PCDH11X: variants seen among roughly 807,000 people sequenced by gnomAD.
The protein encoded by PCDH11X is protocadherin-11 X-linked.
PCDH11X carries 18 observed loss-of-function variants against 53.3 expected under a neutral mutation model. The ratio of observed to expected loss-of-function variants is 0.34; its 90% confidence interval spans 0.23 to 0.50. PCDH11X has a LOEUF of 0.50. PCDH11X is among the 20% of genes least tolerant of loss of function. The pLI, the probability that PCDH11X is intolerant of heterozygous loss-of-function variation, is 0.98. For synonymous variants in PCDH11X, 279 were observed against 393.3 expected (o/e 0.71, Z 3.44); for missense variants, 570 against 1,032.4 (o/e 0.55, Z 6.14).
At position 92,618,409 on chromosome X, in the gene PCDH11X, A is replaced by G. The variant is rs772859950; in HGVS notation, c.3513A>G (p.Leu1171=). 2.8e-5 allele frequency: 34 copies of G among 1,208,852 alleles called. No individual in the cohort carries two copies. The highest frequency in any genetic ancestry group is 4.4e-5 in the Admixed American group (2 of 45,692). The change falls in exon 11 of 11, where the codon CTA becomes CTG. Residue 1171 remains leucine, a synonymous_variant. Coordinates refer to ENST00000682573, the MANE Select transcript of PCDH11X (RefSeq NM_032968.5). Reference sequence around the variant, plus strand: ...CTTCGCAAGCACAGGCCTCTGCTCTATGCCACAGCCCACCACTGTCACAGG... The same window carrying G: ...CTTCGCAAGCACAGGCCTCTGCTCTGTGCCACAGCCCACCACTGTCACAGG... ...SSSSQAQASA[L]CHSPPLSQAS...
intron 6 of PCDH11X, among the ~76,000 whole-genome samples, chrX:92,172,851 C>T (rs2065845391): frequency 8.9e-6 from 1 of 111,766 alleles, no homozygotes; most frequent in Admixed American, 9.5e-5. Context: ...GTATCACAGT[C>T]ACTGGACACT....
chrX:92,095,126 C>A (rs2064114467), intron 6 of PCDH11X, among the ~76,000 whole-genome samples: 1 of 110,865 alleles, frequency 9.0e-6, no homozygotes, highest in Admixed American at 9.7e-5. Flanking sequence ...CAATCCCCAG[C>A]TGTGGTGAAA....
At chrX:91,985,352 A>C (rs1359214673) in intron 6 of PCDH11X, among the ~76,000 whole-genome samples, 1 of 110,983 alleles carries the variant, frequency 9.0e-6, no homozygotes, top group African/African-American at 3.3e-5. Flanking sequence ...TAAAAATACA[A>C]AAATTAGCTG....
chrX:91,907,977 G>A (rs1320232434), intron 6 of PCDH11X, among the ~76,000 whole-genome samples: 3 of 111,386 alleles, frequency 2.7e-5, no homozygotes, highest in African/African-American at 9.8e-5. Flanking sequence ...TCTTTTTTAT[G>A]CCTGCATAGT....
intron 6 of PCDH11X, among the ~76,000 whole-genome samples, chrX:91,982,056 A>G (rs1241184085): frequency 9.0e-6 from 1 of 111,103 alleles, no homozygotes; most frequent in Non-Finnish European, 1.9e-5. Flanking sequence ...TGCAAGGGCT[A>G]AAAAACGCAA....
chrX:92,348,517 T>G (rs5984176), intron 8 of PCDH11X, among the ~76,000 whole-genome samples: 31 of 29,863 alleles, frequency 1.0e-3, no homozygotes, highest in Middle Eastern at 0.019. Context: ...TTATCATTAT[T>G]ATTATTATTA....
chrX:92,536,651 G>A (rs777093639), intron 10 of PCDH11X, among the ~76,000 whole-genome samples: 1,582 of 74,184 alleles, frequency 0.021, 48 homozygotes, highest in African/African-American at 0.066. Context: ...TTGGATAAAA[G>A]CCTTTTTTTT....
At chrX:92,126,523 C>T (rs1451523211) in intron 6 of PCDH11X, among the ~76,000 whole-genome samples, 1 of 110,160 alleles carries the variant, frequency 9.1e-6, no homozygotes, top group African/African-American at 3.3e-5. Context: ...GCAGGTGAAT[C>T]GCTTTAACCT....
chrX:92,484,312 C>CAT lies in PCDH11X; in HGVS notation c.3367+16001_3367+16002dup, dbSNP rs763919553. On this transcript the variant is annotated intron_variant, in intron 10 of 10. Transcript: ENST00000682573. ...ATATATATGTGTGTGTATATATATA[C>CAT]ATATATATATATGCTAGATCGAATG... 1.3e-3 allele frequency among the ~76,000 whole-genome samples: 125 copies of CAT among 98,542 alleles called. 1 individual carries two copies. Among genetic ancestry groups the CAT allele is most frequent in the African/African-American group, 3.4e-3 (91 of 27,156 alleles). The allele number at this position is 98,542 out of a possible 115,157, so 85.6% of individuals were successfully genotyped here.
At chrX:91,869,007 C>T (rs1323436578) in intron 5 of PCDH11X, among the ~76,000 whole-genome samples, 1 of 111,365 alleles carries the variant, frequency 9.0e-6, no homozygotes, top group African/African-American at 3.3e-5. Flanking sequence ...GTTTTGAGAA[C>T]CTGACTCAAT....
intron 6 of PCDH11X, among the ~76,000 whole-genome samples, chrX:92,023,408 A>G (rs2062920244): frequency 9.1e-6 from 1 of 109,951 alleles, no homozygotes; most frequent in East Asian, 2.9e-4. Flanking sequence ...AAACTAGCAA[A>G]CCGAGAAGAA....
At chrX:92,257,430 C>T (rs1383236633) in intron 7 of PCDH11X, among the ~76,000 whole-genome samples, 1 of 111,390 alleles carries the variant, frequency 9.0e-6, no homozygotes, top group Non-Finnish European at 1.9e-5. Flanking sequence ...CCCAACAGTC[C>T]CCCAGTGTCT....
At chrX:91,811,211 C>T in intron 3 of PCDH11X, 26 bp from the exon 4 acceptor site, 1 of 1,188,163 alleles carries the variant, frequency 8.4e-7, no homozygotes, top group South Asian at 1.9e-5. Flanking sequence ...TTCTTCCCCT[C>T]CCTCTTTTTA....
In PCDH11X at chrX:92,412,393, G is replaced by A. The variant is rs772366616; in HGVS notation, c.3343+24460G>A. Among the ~76,000 whole-genome samples, 12 of 106,504 alleles carry A rather than the reference G, an allele frequency of 1.1e-4. No homozygotes were observed. In the Admixed American group the frequency reaches 1.2e-3, roughly 11 times the overall value. The allele number at this position is 106,504 out of a possible 115,157, so 92.5% of individuals were successfully genotyped here. A position where few individuals can be genotyped will look rare whatever the true frequency, so the allele number is the denominator to read the frequency against. On this transcript the variant is annotated intron_variant, in intron 9 of 10. Transcript: ENST00000682573. ...AATGGCAACTTTAAAGTATGATGTAGTTGCCCAATTGTACGTCTCAGAACC... is the reference window on the plus strand; with the variant it reads ...AATGGCAACTTTAAAGTATGATGTAATTGCCCAATTGTACGTCTCAGAACC...
At chrX:92,170,985 C>A (rs1437833318) in intron 6 of PCDH11X, among the ~76,000 whole-genome samples, 1 of 96,071 alleles carries the variant, frequency 1.0e-5, no homozygotes, top group Admixed American at 1.1e-4. Flanking sequence ...AGTTTTACTT[C>A]TTTTGTAGAG....
rs1928578392 is a variant in PCDH11X at position 92,622,419 on chromosome X, CATGGTATT to C, written c.*3481_*3488del. On this transcript the variant is annotated 3_prime_UTR_variant, in exon 11 of 11. Transcript: ENST00000682573. The stretch of plus-strand genomic sequence containing the variant: ...TAGTTTTTTTTGTTTGTTTCTTTTT[CATGGTATT>C]ACTGAAGGTGTGTATACTCCCTAAT... The C allele has an allele frequency of 9.0e-6, 1 of 110,986 alleles. No homozygotes were observed. The highest frequency in any genetic ancestry group is 1.9e-5 in the Non-Finnish European group (1 of 52,826). The allele number at this position is 110,986 out of a possible 1,213,427, so 9.1% of individuals were successfully genotyped here. A position where few individuals can be genotyped will look rare whatever the true frequency, so the allele number is the denominator to read the frequency against.
intron 9 of PCDH11X, among the ~76,000 whole-genome samples, chrX:92,443,700 T>C (rs1393932265): frequency 1.8e-5 from 2 of 111,150 alleles, no homozygotes; most frequent in Non-Finnish European, 3.8e-5. Flanking sequence ...TTAATTTTTG[T>C]ATGTGGTAAA....
chrX:92,189,859 T>A (rs1167721215), intron 6 of PCDH11X, among the ~76,000 whole-genome samples: 1 of 112,261 alleles, frequency 8.9e-6, no homozygotes. Context: ...CACAAGAATG[T>A]CTTCTTATGA....
chrX:92,128,435 T>C (rs1386402811), intron 6 of PCDH11X, among the ~76,000 whole-genome samples: 5 of 107,820 alleles, frequency 4.6e-5, no homozygotes, highest in South Asian at 4.3e-4. Flanking sequence ...CTGCCTGTTG[T>C]TGCCCAGGCT....
Sources: gnomAD v4.1 joint callset for allele counts (sites outside exome capture counted in the v4.1 genomes callset) on GRCh38, gnomAD v4.1.1 for gene constraint, MANE v1.5 for transcripts, NCBI Gene and HGNC (gene_info 2026-07-23, HGNC 2026-07-21) for gene names.